The following PTPRM variants were observed in gnomAD, a reference collection of about 807,000 sequenced individuals.
PTPRM encodes protein tyrosine phosphatase receptor type M.
In PTPRM, 47 loss-of-function variants were observed where a neutral mutation model predicts 186.7. The observed-to-expected ratio is 0.25, with a 90% CI of 0.20 to 0.32. The LOEUF (loss-of-function observed/expected upper bound fraction) is 0.32, where lower values mean the gene tolerates loss of function less well. PTPRM is among the 10% of genes least tolerant of loss of function. PTPRM has a pLI of 1.00. For missense variants in PTPRM, 1,494 were observed against 1,865.0 expected (o/e 0.80, Z 3.66); for synonymous variants, 668 against 674.9 (o/e 0.99, Z 0.16).
At chr18:7,763,421 C>G (rs985232704) in intron 1 of PTPRM, among the ~76,000 whole-genome samples, 1 of 152,168 alleles carries the variant, frequency 6.6e-6, no homozygotes, top group African/African-American at 2.4e-5. Context: ...ATGCCCCTTC[C>G]TTTTCAATGT....
At chr18:7,822,249 A>G (rs1160127109) in intron 2 of PTPRM, among the ~76,000 whole-genome samples, 2 of 152,196 alleles carry the variant, frequency 1.3e-5, no homozygotes, top group African/African-American at 4.8e-5. Context: ...ACTCTAAACT[A>G]TCTCATCCAC....
intron 7 of PTPRM, among the ~76,000 whole-genome samples, chr18:7,977,199 C>T (rs577065026): frequency 6.6e-6 from 1 of 152,234 alleles, no homozygotes; most frequent in Non-Finnish European, 1.5e-5. Flanking sequence ...AAGTAATTCT[C>T]CTGCCTCAGC....
At chr18:8,109,636 T>C (rs1333848127) in intron 11 of PTPRM, among the ~76,000 whole-genome samples, 1 of 152,196 alleles carries the variant, frequency 6.6e-6, no homozygotes, top group African/African-American at 2.4e-5. Flanking sequence ...CATGTTTGCT[T>C]AGATGATATT....
intron 14 of PTPRM, among the ~76,000 whole-genome samples, chr18:8,231,432 TCTC>T (rs1236443544): frequency 4.6e-5 from 7 of 152,188 alleles, no homozygotes. Flanking sequence ...GGCAATTTGT[TCTC>T]CTAGTTGGCA....
chr18:8,078,104 C>T (rs531661806), intron 9 of PTPRM, among the ~76,000 whole-genome samples: 1 of 152,136 alleles, frequency 6.6e-6, no homozygotes, highest in Non-Finnish European at 1.5e-5. Flanking sequence ...AATATGTGAT[C>T]CAGGCCAAAG....
intron 19 of PTPRM, among the ~76,000 whole-genome samples, chr18:8,281,018 CTAAAGTAGAAAA>C (rs1051060503): frequency 3.9e-5 from 6 of 152,152 alleles, no homozygotes; most frequent in African/African-American, 1.4e-4. Context: ...CCAATCAAAA[CTAAAGTAGAAAA>C]TACATGGAAA....
intron 14 of PTPRM, among the ~76,000 whole-genome samples, chr18:8,199,749 G>A (rs1381434978): frequency 2.0e-5 from 3 of 152,204 alleles, no homozygotes; most frequent in Non-Finnish European, 4.4e-5. Context: ...TGGAGAGGGA[G>A]CAGTGATTGA....
chr18:8,401,235 G>T (rs910510639), intron 32 of PTPRM, among the ~76,000 whole-genome samples: 1 of 152,210 alleles, frequency 6.6e-6, no homozygotes, highest in Non-Finnish European at 1.5e-5. Context: ...GCTGTGCTCA[G>T]CAGGGCCTCA....
At chr18:7,677,003 G>T (rs2039359704) in intron 1 of PTPRM, among the ~76,000 whole-genome samples, 1 of 152,174 alleles carries the variant, frequency 6.6e-6, no homozygotes, top group South Asian at 2.1e-4. Context: ...TGGGAATTTA[G>T]TTCAGGATTT....
intron 1 of PTPRM, among the ~76,000 whole-genome samples, chr18:7,756,021 A>G (rs1036092677): frequency 6.6e-6 from 1 of 152,092 alleles, no homozygotes; most frequent in African/African-American, 2.4e-5. Flanking sequence ...TGTTTGGCCA[A>G]ACTCCATTGT....
At chr18:8,130,846 G>A (rs1444410744) in intron 13 of PTPRM, among the ~76,000 whole-genome samples, 3 of 152,200 alleles carry the variant, frequency 2.0e-5, no homozygotes, top group African/African-American at 7.2e-5. Context: ...GCTTCTTGGG[G>A]AAATCTCTTG....
intron 1 of PTPRM, among the ~76,000 whole-genome samples, chr18:7,675,685 C>T (rs777261453): frequency 1.3e-5 from 2 of 151,850 alleles, no homozygotes; most frequent in Non-Finnish European, 2.9e-5. Flanking sequence ...TATTCGGCAT[C>T]GTAGTAAACT....
At chr18:7,780,693 G>A (rs1598671724) in intron 2 of PTPRM, among the ~76,000 whole-genome samples, 1 of 152,170 alleles carries the variant, frequency 6.6e-6, no homozygotes, top group South Asian at 2.1e-4. Context: ...CATGGAGGAG[G>A]CAGGCAGTCC....
At chr18:7,761,736 G>A (rs114808848) in intron 1 of PTPRM, among the ~76,000 whole-genome samples, 1,778 of 152,106 alleles carry the variant, frequency 0.012, 34 homozygotes, top group African/African-American at 0.04. Context: ...CATCCTGTCC[G>A]TTCTCTTATC....
rs899620898 is a variant in PTPRM, at chr18:7,567,867, A to G, written c.49A>G (p.Thr17Ala). ...CLATLAGLLL[T>A]AAGETFSGGC... ...GGCGACTTTGGCCGGACTTTTGCTA[A>G]CTGCGGCGGGCGAGACGTTCTCAGG... Residue 17 changes from threonine (T) to alanine (A), a missense_variant, in exon 1 of 33, where the codon ACT becomes GCT. Around this residue, in one of 3 missense-constraint regions of PTPRM, gnomAD observed 296 missense variants for 345.5 expected, o/e 0.86. Transcript: ENST00000580170. This position sits in a 1 kb window ranked among gnomAD's most constrained non-coding sequence, Gnocchi z 4.3. The G allele has an allele frequency of 1.3e-6, 2 of 1,562,222 alleles. No individual in the cohort carries two copies. The highest frequency in any genetic ancestry group is 1.2e-5 in the South Asian group (1 of 86,292).
intron 2 of PTPRM, among the ~76,000 whole-genome samples, chr18:7,787,322 A>G (rs775561474): frequency 1.9e-4 from 29 of 152,212 alleles, no homozygotes; most frequent in Non-Finnish European, 4.1e-4. Context: ...GGAAGAGATG[A>G]ACTGTCATAA....
At position 7,842,947 on chromosome 18, in the gene PTPRM, T is replaced by TATATATATAGAGAGAGAGAG. The variant is rs370746043; in HGVS notation, c.197-45158_197-45157insTATATATAGAGAGAGAGAGA. On this transcript the variant is annotated intron_variant, in intron 2 of 32. Coordinates refer to ENST00000580170, the MANE Select transcript of PTPRM (RefSeq NM_001105244.2). ...GTGTGTGTGTATATATATATATATATAGAGAGAGAGAGAGAGAGAGAGAGA... is the reference window on the plus strand; with the variant it reads ...GTGTGTGTGTATATATATATATATATATATATATAGAGAGAGAGAGAGAGAGAGAGAGAGAGAGAGAGAGA... Among the ~76,000 whole-genome samples the TATATATATAGAGAGAGAGAG allele has an allele frequency of 1.6e-3, 182 of 112,080 alleles. 1 individual carries two copies. Among genetic ancestry groups the TATATATATAGAGAGAGAGAG allele is most frequent in the African/African-American group, 7.2e-3 (171 of 23,752 alleles). The allele number at this position is 112,080 out of a possible 152,430, so 73.5% of individuals were successfully genotyped here.
At chr18:7,970,592 A>G in intron 7 of PTPRM, among the ~76,000 whole-genome samples, 1 of 70,210 alleles carries the variant, frequency 1.4e-5, no homozygotes, top group Non-Finnish European at 2.6e-5. Flanking sequence ...CCTTAAGCTG[A>G]TAAGCAACTT....
intron 2 of PTPRM, among the ~76,000 whole-genome samples, chr18:7,793,961 A>T (rs1359207483): frequency 1.3e-5 from 2 of 152,178 alleles, no homozygotes; most frequent in African/African-American, 4.8e-5. Context: ...GCACACCACC[A>T]GACACTGGCA....
Sources: allele counts gnomAD v4.1 joint callset (sites outside exome capture counted in the v4.1 genomes callset), GRCh38; gene constraint gnomAD v4.1.1; regional missense constraint gnomAD v4.1.1; non-coding constraint Gnocchi (gnomAD v3.1); transcripts MANE v1.5; gene names NCBI Gene and HGNC (gene_info 2026-07-23, HGNC 2026-07-21).